KLF8: variants seen among roughly 807,000 people sequenced by gnomAD.
The protein encoded by KLF8 is KLF transcription factor 8.
In KLF8, 10 loss-of-function variants were observed where a neutral mutation model predicts 18.2. The observed-to-expected ratio is 0.55, with a 90% confidence interval of 0.34 to 0.93. The LOEUF (loss-of-function observed/expected upper bound fraction) is 0.93, where lower values mean the gene tolerates loss of function less well. KLF8 is among the 40% of genes least tolerant of loss of function. KLF8 has a pLI of 0.02. For synonymous variants in KLF8, 109 were observed against 97.3 expected, an observed-to-expected ratio of 1.12 and a Z score of -0.71; for missense variants, 264 against 277.9, an observed-to-expected ratio of 0.95 and a Z score of 0.36.
At chrX:56,218,722 A>G in the KLF8 span, among the ~76,000 whole-genome samples, 1 of 112,330 alleles carries the variant, frequency 8.9e-6, no homozygotes, top group African/African-American at 3.2e-5. Flanking sequence ...ATTTTACACT[A>G]GGTCCCAAAG....
chrX:56,044,814 G>A, the KLF8 span, among the ~76,000 whole-genome samples: 9 of 112,667 alleles, frequency 8.0e-5, no homozygotes, highest in South Asian at 3.3e-3. Context: ...TGTGGAAGAG[G>A]AGACTGCAGA....
the KLF8 span, among the ~76,000 whole-genome samples, chrX:56,216,417 G>A: frequency 9.0e-6 from 1 of 110,992 alleles, no homozygotes; most frequent in Non-Finnish European, 1.9e-5. Context: ...TTGGAGTGCT[G>A]CATGATCATA....
chrX:55,930,756 C>T, the KLF8 span, among the ~76,000 whole-genome samples: 1 of 111,651 alleles, frequency 9.0e-6, no homozygotes, highest in African/African-American at 3.3e-5. Flanking sequence ...GGTGGATAAG[C>T]TTTTTGATGT....
the KLF8 span, among the ~76,000 whole-genome samples, chrX:56,153,343 G>A: frequency 9.2e-6 from 1 of 108,657 alleles, no homozygotes; most frequent in African/African-American, 3.4e-5. Context: ...GAACAGAGAG[G>A]GACTCATCTC....
chrX:55,990,979 C>A, the KLF8 span, among the ~76,000 whole-genome samples: 1 of 112,442 alleles, frequency 8.9e-6, no homozygotes, highest in Non-Finnish European at 1.9e-5. Context: ...TCTGTCCATT[C>A]TCAGATCTCC....
chrX:56,248,844 T>C (rs2066662994), intron 1 of KLF8, among the ~76,000 whole-genome samples: 1 of 111,893 alleles, frequency 8.9e-6, no homozygotes, highest in African/African-American at 3.3e-5. Context: ...CATGCATAAA[T>C]TCTCTAATTT....
chrX:56,051,641 G>C, the KLF8 span, among the ~76,000 whole-genome samples: 1 of 111,334 alleles, frequency 9.0e-6, no homozygotes, highest in African/African-American at 3.3e-5. Context: ...GAGATCCGCT[G>C]TTCATCTGAT....
the KLF8 span, among the ~76,000 whole-genome samples, chrX:56,183,179 CT>C: frequency 8.9e-6 from 1 of 111,917 alleles, no homozygotes; most frequent in Non-Finnish European, 1.9e-5. Context: ...GCAGACGCCC[CT>C]AACCCAGTCT....
chrX:56,133,050 G>A, the KLF8 span, among the ~76,000 whole-genome samples: 4 of 111,379 alleles, frequency 3.6e-5, no homozygotes, highest in Admixed American at 9.6e-5. Context: ...ACCAGTCCAG[G>A]ACCAGATGGA....
the KLF8 span, among the ~76,000 whole-genome samples, chrX:56,158,573 T>C: frequency 8.9e-6 from 1 of 111,743 alleles, no homozygotes; most frequent in Middle Eastern, 4.2e-3. Flanking sequence ...CCTTGAGCAG[T>C]GGTTTGTAGT....
At chrX:56,070,496 G>T in the KLF8 span, among the ~76,000 whole-genome samples, 2 of 110,688 alleles carry the variant, frequency 1.8e-5, no homozygotes, top group African/African-American at 3.3e-5. Context: ...AAAGGAAAGA[G>T]ATCATATCCT....
At chrX:56,152,020 T>C in the KLF8 span, among the ~76,000 whole-genome samples, 4 of 112,160 alleles carry the variant, frequency 3.6e-5, no homozygotes, top group Admixed American at 3.8e-4. Context: ...AGTTTTATTA[T>C]ATAATTAGAG....
chrX:56,074,869 G>T, the KLF8 span: 1 of 111,873 alleles, frequency 8.9e-6, no homozygotes, highest in Non-Finnish European at 1.9e-5. Flanking sequence ...GATTGTTTTG[G>T]GTAGCATTGA....
the KLF8 span, among the ~76,000 whole-genome samples, chrX:56,178,816 G>T: frequency 2.6e-4 from 29 of 111,814 alleles, no homozygotes; most frequent in Non-Finnish European, 4.1e-4. Flanking sequence ...TTAAGTCTGA[G>T]GGCTCTGTTC....
chrX:55,973,165 G>A, the KLF8 span, among the ~76,000 whole-genome samples: 1 of 112,142 alleles, frequency 8.9e-6, no homozygotes, highest in East Asian at 2.8e-4. Context: ...GCAGAAGATT[G>A]AAACTGGACT....
rs1366791241 is a variant in KLF8, at chrX:56,287,055, T to C, written c.*2561T>C. On this transcript the variant is annotated 3_prime_UTR_variant, in exon 6 of 6. Transcript: ENST00000468660. ...CCTAAGACCTCAGAATCTTTTGCAT[T>C]GAGACATATGATCTATTTATAAATA... 1 of 111,890 alleles carries C rather than the reference T, an allele frequency of 8.9e-6. No individual in the cohort carries two copies. The allele number at this position is 111,890 out of a possible 1,213,427, so 9.2% of individuals were successfully genotyped here. A position where few individuals can be genotyped will look rare whatever the true frequency, so the allele number is the denominator to read the frequency against.
chrX:56,060,079 A>T, the KLF8 span, among the ~76,000 whole-genome samples: 1 of 111,353 alleles, frequency 9.0e-6, no homozygotes, highest in South Asian at 3.8e-4. Context: ...GCTTAAGGAG[A>T]TTTGGGGCTG....
the KLF8 span, among the ~76,000 whole-genome samples, chrX:56,049,400 G>T: frequency 9.0e-6 from 1 of 110,793 alleles, no homozygotes; most frequent in African/African-American, 3.3e-5. Flanking sequence ...ATTGGCTGTG[G>T]GTTTGTCATA....
the KLF8 span, among the ~76,000 whole-genome samples, chrX:56,096,025 T>G: frequency 8.9e-6 from 1 of 111,761 alleles, no homozygotes; most frequent in Admixed American, 9.5e-5. Flanking sequence ...CTATTTACAA[T>G]AGCAAAGTCA....
Sources: allele counts gnomAD v4.1 joint callset (sites outside exome capture counted in the v4.1 genomes callset), GRCh38; gene constraint gnomAD v4.1.1; transcripts MANE v1.5; gene names NCBI Gene and HGNC (gene_info 2026-07-23, HGNC 2026-07-21).